The following PAPSS2 variants were observed in gnomAD, a reference collection of about 807,000 sequenced individuals.
The protein encoded by PAPSS2 is 3'-phosphoadenosine 5'-phosphosulfate synthase 2.
PAPSS2 carries 61 observed loss-of-function variants against 66.5 expected under a neutral mutation model. That is an observed-to-expected ratio of 0.92 (90% confidence interval 0.75 to 1.14). PAPSS2 has a LOEUF of 1.14. Ranked by LOEUF, PAPSS2 falls within the 50% of genes most tolerant of loss-of-function variation. The pLI, the probability that PAPSS2 is intolerant of heterozygous loss-of-function variation, is 0.00. For missense variants in PAPSS2, 708 were observed against 789.6 expected (o/e 0.90, Z 1.24); for synonymous variants, 289 against 287.5 (o/e 1.01, Z -0.05).
intron 6 of PAPSS2, 21 bp downstream of exon 6, chr10:87,715,119 C>A: frequency 1.6e-6 from 2 of 1,225,878 alleles, no homozygotes; most frequent in South Asian, 2.4e-5. Flanking sequence ...GCAGACTGGT[C>A]AAATAATTAG....
At chr10:87,740,166 T>C (rs1253191063) in intron 9 of PAPSS2, among the ~76,000 whole-genome samples, 1 of 144,660 alleles carries the variant, frequency 6.9e-6, no homozygotes, top group African/African-American at 2.6e-5. Flanking sequence ...GAGTATTCAT[T>C]GCCAATGATA....
At chr10:87,706,576 G>A (rs1475492304) in intron 1 of PAPSS2, among the ~76,000 whole-genome samples, 10 of 146,910 alleles carry the variant, frequency 6.8e-5, no homozygotes, top group Middle Eastern at 3.2e-3. Context: ...GGGCAACAAG[G>A]TGAGACCCTA....
intron 1 of PAPSS2, among the ~76,000 whole-genome samples, chr10:87,674,924 C>T (rs1852926932): frequency 6.6e-6 from 1 of 152,174 alleles, no homozygotes; most frequent in Non-Finnish European, 1.5e-5. Context: ...GGTAAGAAAC[C>T]TCCATGCATG....
chr10:87,692,073 G>A (rs11202512), intron 1 of PAPSS2, among the ~76,000 whole-genome samples: 23,615 of 152,188 alleles, frequency 0.16, 1,948 homozygotes, highest in East Asian at 0.21. Flanking sequence ...TAACAGTGAT[G>A]GAATGGCGTT....
At chr10:87,660,961 T>G in intron 1 of PAPSS2, 1 of 455,868 alleles carries the variant, frequency 2.2e-6, no homozygotes, top group Non-Finnish European at 4.4e-6. Context: ...GAACATTCTA[T>G]CTTCAGCCAC....
intron 1 of PAPSS2, among the ~76,000 whole-genome samples, chr10:87,678,124 T>TC (rs1412549902): frequency 5.9e-5 from 9 of 152,126 alleles, no homozygotes; most frequent in Non-Finnish European, 8.8e-5. Context: ...AACTTTTTTT[T>TC]CCCAGAAATA....
At chr10:87,693,790 T>A (rs1050843378) in intron 1 of PAPSS2, among the ~76,000 whole-genome samples, 12 of 152,200 alleles carry the variant, frequency 7.9e-5, no homozygotes, top group African/African-American at 2.9e-4. Flanking sequence ...CAAAGGATAT[T>A]TTACAAATGC....
rs958098676 is a variant in PAPSS2 at position 87,747,538 on chromosome 10, A to G, written c.*1568A>G. The stretch of plus-strand genomic sequence containing the variant: ...TGCCTTTAAAAAAAAAAACCAGCAT[A>G]TTTATTGAAAACATGAGACAGGATT... On this transcript the variant is annotated 3_prime_UTR_variant, in exon 13 of 13. Transcript: ENST00000456849. 3 of 152,536 alleles carry G rather than the reference A, an allele frequency of 2.0e-5. No homozygotes were observed. Among genetic ancestry groups the G allele is most frequent in the African/African-American group, 7.2e-5 (3 of 41,418 alleles). The allele number at this position is 152,536 out of a possible 1,614,324, so 9.4% of individuals were successfully genotyped here.
intron 1 of PAPSS2, among the ~76,000 whole-genome samples, chr10:87,666,209 C>A (rs1051101595): frequency 2.6e-5 from 4 of 152,216 alleles, no homozygotes; most frequent in Non-Finnish European, 5.9e-5. Flanking sequence ...AGTGATCTGT[C>A]TGCCTTGGCC....
intron 1 of PAPSS2, among the ~76,000 whole-genome samples, chr10:87,684,339 G>A (rs1853061521): frequency 6.6e-6 from 1 of 152,180 alleles, no homozygotes; most frequent in Admixed American, 6.5e-5. Context: ...AATATGATTA[G>A]GCCATGCCAT....
chr10:87,720,912 C>T (rs1277537042), intron 7 of PAPSS2, among the ~76,000 whole-genome samples: 1 of 152,192 alleles, frequency 6.6e-6, no homozygotes, highest in African/African-American at 2.4e-5. Context: ...ACCCTTTGAT[C>T]ATAAATGTCA....
intron 1 of PAPSS2, among the ~76,000 whole-genome samples, chr10:87,664,978 A>G (rs1350699879): frequency 6.6e-6 from 1 of 152,192 alleles, no homozygotes; most frequent in Non-Finnish European, 1.5e-5. Flanking sequence ...AGAATTCATT[A>G]GAGGATGTAT....
intron 1 of PAPSS2, among the ~76,000 whole-genome samples, chr10:87,665,215 C>CTT (rs34073508): frequency 6.8e-6 from 1 of 146,862 alleles, no homozygotes; most frequent in Admixed American, 6.8e-5. Context: ...GAATTTACCA[C>CTT]TTTTTTTTTT....
intron 1 of PAPSS2, among the ~76,000 whole-genome samples, chr10:87,689,681 AAG>A (rs540528184): frequency 0.042 from 5,847 of 139,024 alleles, 231 homozygotes; most frequent in Non-Finnish European, 0.055. Flanking sequence ...AAAAAAAAAA[AAG>A]AAAAAAAAAA....
At chr10:87,678,249 A>G (rs1234627324) in intron 1 of PAPSS2, among the ~76,000 whole-genome samples, 2 of 152,322 alleles carry the variant, frequency 1.3e-5, no homozygotes, top group South Asian at 4.1e-4. Context: ...CATACACAGA[A>G]GATTGAAACT....
intron 7 of PAPSS2, among the ~76,000 whole-genome samples, chr10:87,716,071 T>A (rs965203852): frequency 2.0e-5 from 3 of 152,110 alleles, no homozygotes; most frequent in African/African-American, 7.2e-5. Context: ...TGAAAAATGG[T>A]GTAAAGCCAA....
At chr10:87,724,189 C>T (rs1046881279) in intron 8 of PAPSS2, among the ~76,000 whole-genome samples, 22 of 151,572 alleles carry the variant, frequency 1.5e-4, no homozygotes, top group African/African-American at 5.3e-4. Flanking sequence ...AAATTTTATC[C>T]CTTTAAGCCC....
At chr10:87,716,169 C>A (rs1229345480) in intron 7 of PAPSS2, among the ~76,000 whole-genome samples, 3 of 152,134 alleles carry the variant, frequency 2.0e-5, no homozygotes, top group African/African-American at 7.2e-5. Flanking sequence ...TTGCCACCTG[C>A]TAGGGACATT....
intron 1 of PAPSS2, 66 bp downstream of exon 1, chr10:87,660,074 A>C: frequency 4.3e-5 from 64 of 1,495,692 alleles, no homozygotes; most frequent in Non-Finnish European, 5.5e-5. Context: ...CCAACCCCCA[A>C]TTCCCCGGCA....
Sources: allele counts gnomAD v4.1 joint callset (sites outside exome capture counted in the v4.1 genomes callset), GRCh38; gene constraint gnomAD v4.1.1; transcripts MANE v1.5; gene names NCBI Gene and HGNC (gene_info 2026-07-23, HGNC 2026-07-21).